The following NMI variants were observed in gnomAD, a reference collection of about 807,000 sequenced individuals.
NMI encodes N-myc and STAT interactor, also known as N-myc-interactor.
NMI carries 39 observed loss-of-function variants against 34.3 expected under a neutral mutation model. That is an observed-to-expected ratio of 1.14 (90% confidence interval 0.88 to 1.49). The LOEUF is 1.49. NMI is among the 40% of genes most tolerant of loss of function. The pLI is 0.00. For synonymous variants in NMI, 113 were observed against 120.3 expected, an observed-to-expected ratio of 0.94 and a Z score of 0.40; for missense variants, 339 against 358.1, an observed-to-expected ratio of 0.95 and a Z score of 0.43.
chr2:151,284,052 C>T (rs1386280078), intron 1 of NMI, among the ~76,000 whole-genome samples: 1 of 151,962 alleles, frequency 6.6e-6, no homozygotes, highest in African/African-American at 2.4e-5. Flanking sequence ...TTCTGATAAC[C>T]ATATTTCAAT....
intron 6 of NMI, among the ~76,000 whole-genome samples, 200 bp downstream of exon 6, chr2:151,275,284 A>G (rs910402841): frequency 2.6e-5 from 4 of 152,110 alleles, no homozygotes; most frequent in Non-Finnish European, 5.9e-5. Context: ...CACCCTGCCT[A>G]TTTGTAGCAA....
chr2:151,287,450 G>A (rs1038585561), intron 1 of NMI, among the ~76,000 whole-genome samples: 7 of 151,768 alleles, frequency 4.6e-5, no homozygotes, highest in South Asian at 2.1e-4. Flanking sequence ...TCACTTTCCC[G>A]TCCTATTTAG....
At chr2:151,285,355 TGAGATAGA>T (rs959187895) in intron 1 of NMI, among the ~76,000 whole-genome samples, 1 of 130,994 alleles carries the variant, frequency 7.6e-6, no homozygotes, top group Non-Finnish European at 1.6e-5. Flanking sequence ...GATTGATGAT[TGAGATAGA>T]TAGATAGATA....
chr2:151,279,029 G>A lies in NMI; in HGVS notation c.178-39C>T, dbSNP rs543945439. 1.0e-5 allele frequency: 14 copies of A among 1,383,846 alleles called. No homozygotes were observed. In the South Asian group the frequency reaches 1.1e-4, roughly 11 times the overall value. 85.7% of individuals were successfully genotyped at this position (1,383,846 alleles called of 1,614,324 possible). A position where few individuals can be genotyped will look rare whatever the true frequency, so the allele number is the denominator to read the frequency against. ...AAATGTTTGATTAAAATCAAGACGA[G>A]AAATAACTTAAGTCCTTCCAATGAT... is the stretch of plus-strand genomic sequence containing the variant. On this transcript the variant is annotated intron_variant, in intron 3 of 7. Transcript: ENST00000243346.
At chr2:151,287,742 AGGGCT>A (rs1312057989) in intron 1 of NMI, among the ~76,000 whole-genome samples, 4 of 152,134 alleles carry the variant, frequency 2.6e-5, no homozygotes, top group Admixed American at 2.6e-4. Flanking sequence ...AAACATGTTG[AGGGCT>A]GGGACCATGT....
chr2:151,275,709 A>G, intron 5 of NMI, 39 bp from the exon 6 acceptor site: 1 of 1,610,156 alleles, frequency 6.2e-7, no homozygotes, highest in Non-Finnish European at 8.5e-7. Context: ...TGGATGAGAG[A>G]AGTGCTTGTG....
In NMI at chr2:151,275,589, G is replaced by A. The variant is rs193199169; in HGVS notation, c.529C>T (p.Leu177=). ...TLREDQMRDK[L]ELSFSKSRNG... Reference sequence around the variant, plus strand: ...CGGGACTTTGAAAAGCTCAGCTCTAGTTTGTCTCTCATTTGATCTTCACGC... The same window carrying A: ...CGGGACTTTGAAAAGCTCAGCTCTAATTTGTCTCTCATTTGATCTTCACGC... Residue 177 remains leucine (L), a synonymous_variant, in exon 6 of 8, where the codon CTA becomes TTA. Coordinates refer to ENST00000243346, the MANE Select transcript of NMI (RefSeq NM_004688.3). 6.2e-7 allele frequency: 1 copy of A among 1,614,136 alleles called. No homozygotes were observed. The highest frequency in any genetic ancestry group is 1.3e-5 in the African/African-American group (1 of 75,046).
chr2:151,274,604 T>C (rs1683254918), intron 6 of NMI, among the ~76,000 whole-genome samples: 1 of 150,142 alleles, frequency 6.7e-6, no homozygotes, highest in Admixed American at 6.7e-5. Flanking sequence ...GCCCCCCGAG[T>C]AGCTGGGATT....
Position 151,270,837 on chromosome 2 carries a change from T to C in NMI, c.780A>G (p.Thr260=). Residue 260 remains threonine (T), a synonymous_variant, in exon 8 of 8, where the codon ACA becomes ACG. Coordinates refer to ENST00000243346, the MANE Select transcript of NMI (RefSeq NM_004688.3). ...SGTSKRTVLL[T]GMEGIQMDEE... ...CATCCATTTGAATGCCTTCCATTCCTGTCAGAAGCACTGTCCTCTTAGATG... is the reference window on the plus strand; with the variant it reads ...CATCCATTTGAATGCCTTCCATTCCCGTCAGAAGCACTGTCCTCTTAGATG... 6.2e-7 allele frequency: 1 copy of C among 1,613,884 alleles called. No individual in the cohort carries two copies. The highest frequency in any genetic ancestry group is 1.3e-5 in the African/African-American group (1 of 75,050).
At chr2:151,286,344 G>C (rs546801043) in intron 1 of NMI, among the ~76,000 whole-genome samples, 1 of 152,270 alleles carries the variant, frequency 6.6e-6, no homozygotes, top group East Asian at 1.9e-4. Context: ...AGTTCAGAAG[G>C]CCAAGGAAAG....
intron 7 of NMI, 149 bp downstream of exon 7, chr2:151,271,477 T>C: frequency 1.6e-6 from 1 of 639,416 alleles, no homozygotes; most frequent in South Asian, 1.8e-5. Flanking sequence ...GACAAACTCA[T>C]TTTGCACCAA....
chr2:151,283,158 T>A (rs1683437458), intron 1 of NMI, among the ~76,000 whole-genome samples: 1 of 152,054 alleles, frequency 6.6e-6, no homozygotes, highest in African/African-American at 2.4e-5. Flanking sequence ...TTTCTTTTTT[T>A]GAGACAGAGT....
chr2:151,289,378 C>T (rs904807618), intron 1 of NMI, among the ~76,000 whole-genome samples: 1 of 152,280 alleles, frequency 6.6e-6, no homozygotes, highest in Admixed American at 6.5e-5. Context: ...GGCCCAGAGA[C>T]TGCACAGCGG....
At chr2:151,275,301 C>T (rs1320472739) in intron 6 of NMI, among the ~76,000 whole-genome samples, 183 bp downstream of exon 6, 2 of 152,130 alleles carry the variant, frequency 1.3e-5, no homozygotes, top group African/African-American at 4.8e-5. Flanking sequence ...GCAATATTAT[C>T]TTTCCTAGTA....
chr2:151,280,331 G>A (rs1289475375), intron 3 of NMI, among the ~76,000 whole-genome samples: 1 of 152,026 alleles, frequency 6.6e-6, no homozygotes, highest in East Asian at 1.9e-4. Context: ...TATTGCCCAT[G>A]GTTATTTTAC....
chr2:151,281,882 A>G lies in NMI; in HGVS notation c.177+66T>C, dbSNP rs1683411414. 4 of 805,310 alleles carry G rather than the reference A, an allele frequency of 5.0e-6. No individual in the cohort carries two copies. The Admixed American group carries it at 9.3e-5, about 19-fold the overall frequency. 49.9% of individuals were successfully genotyped at this position (805,310 alleles called of 1,614,324 possible). ...TTTTAAAAATGAATTTTGTGTAATTAAAATGCTTTTTCCAAAAACCATGCA... is the reference window on the plus strand; with the variant it reads ...TTTTAAAAATGAATTTTGTGTAATTGAAATGCTTTTTCCAAAAACCATGCA... On this transcript the variant is annotated intron_variant, in intron 3 of 7. Coordinates refer to ENST00000243346, the MANE Select transcript of NMI (RefSeq NM_004688.3).
chr2:151,286,694 C>A (rs776686166), intron 1 of NMI, among the ~76,000 whole-genome samples: 1 of 152,208 alleles, frequency 6.6e-6, no homozygotes, highest in Admixed American at 6.5e-5. Flanking sequence ...TGTCAACAAA[C>A]CTGGGTTACA....
At chr2:151,285,582 C>A (rs1683481718) in intron 1 of NMI, among the ~76,000 whole-genome samples, 1 of 135,488 alleles carries the variant, frequency 7.4e-6, no homozygotes. Flanking sequence ...AGTGAGACTC[C>A]ATCTCAGAAA....
chr2:151,273,766 C>T (rs1265357692), intron 6 of NMI, among the ~76,000 whole-genome samples: 1 of 152,126 alleles, frequency 6.6e-6, no homozygotes, highest in Admixed American at 6.5e-5. Context: ...AAGTGATCCA[C>T]CCGCCTCCGC....
Sources: allele counts gnomAD v4.1 joint callset (sites outside exome capture counted in the v4.1 genomes callset), GRCh38; gene constraint gnomAD v4.1.1; transcripts MANE v1.5; gene names NCBI Gene and HGNC (gene_info 2026-07-23, HGNC 2026-07-21).